ATP7A: variants seen among roughly 807,000 people sequenced by gnomAD.
The protein encoded by ATP7A is copper-transporting ATPase 1.
Under a neutral mutation model 83.5 loss-of-function variants are expected in ATP7A, and 7 were observed. The ratio of observed to expected loss-of-function variants is 0.08; its 90% CI spans 0.05 to 0.16. The LOEUF (loss-of-function observed/expected upper bound fraction) is 0.16. Among genes scored for constraint, ATP7A ranks in the 10% least tolerant of loss-of-function variants. ATP7A has a pLI of 1.00. For missense variants in ATP7A, 940 were observed against 1,120.8 expected, an observed-to-expected ratio of 0.84 and a Z score of 2.30; for synonymous variants, 354 against 395.2, an observed-to-expected ratio of 0.90 and a Z score of 1.24.
intron 9 of ATP7A, among the ~76,000 whole-genome samples, chrX:78,011,965 A>G (rs1238940084): frequency 2.0e-5 from 2 of 101,555 alleles, no homozygotes; most frequent in Non-Finnish European, 4.0e-5. Flanking sequence ...TTTTTTAGAG[A>G]TGGGGTTTTG....
chrX:77,984,482 C>A (rs1557231179), intron 2 of ATP7A, among the ~76,000 whole-genome samples: 1 of 110,442 alleles, frequency 9.1e-6, no homozygotes, highest in African/African-American at 3.3e-5. Context: ...ATTCTCCTGC[C>A]TCAGCCTCCC....
chrX:77,914,256 ATAT>A (rs201155839), intron 1 of ATP7A, among the ~76,000 whole-genome samples: 1,176 of 110,207 alleles, frequency 0.011, 21 homozygotes, highest in African/African-American at 0.036. Context: ...TTTTTAAATA[ATAT>A]TATTTTTAAG....
At chrX:77,985,980 A>G (rs2077634323) in intron 2 of ATP7A, among the ~76,000 whole-genome samples, 1 of 111,992 alleles carries the variant, frequency 8.9e-6, no homozygotes. Context: ...AAACACAAGG[A>G]CACAAAAGCC....
chrX:78,041,296 A>G (rs1448413437), intron 19 of ATP7A, among the ~76,000 whole-genome samples: 13 of 108,447 alleles, frequency 1.2e-4, no homozygotes, highest in Admixed American at 3.0e-4. Context: ...TTTTCTTGGG[A>G]CGGAGTTTCG....
intron 1 of ATP7A, chrX:77,968,814 GC>G (rs781831467): frequency 8.4e-7 from 1 of 1,196,535 alleles, no homozygotes; most frequent in East Asian, 3.0e-5. Flanking sequence ...GGTGGGAGGG[GC>G]AGAGGGACAA....
At position 77,985,085 on chromosome X, in the gene ATP7A, C is replaced by A. The variant is rs782660727; in HGVS notation, c.121-3157C>A. ...CCCAGGCTGGAGTGCAGTGGCACGA[C>A]TTTGGCTCACTGCAGCCTTGACCTT... On this transcript the variant is annotated intron_variant, in intron 2 of 22. Transcript: ENST00000341514. Among the ~76,000 whole-genome samples, 4 of 111,019 alleles carry A rather than the reference C, an allele frequency of 3.6e-5. No individual in the cohort carries two copies. The South Asian group carries it at 1.5e-3, about 42-fold the overall frequency.
intron 17 of ATP7A, among the ~76,000 whole-genome samples, chrX:78,036,618 C>T (rs1353307110): frequency 9.0e-6 from 1 of 111,703 alleles, no homozygotes; most frequent in Admixed American, 9.5e-5. Context: ...CGGTGACTCA[C>T]GCCTGTAATC....
Position 77,920,509 on chromosome X carries a change from G to T in ATP7A, c.-22+9674G>T, listed in dbSNP as rs187947787. Among the ~76,000 whole-genome samples the T allele has an allele frequency of 2.7e-5, 3 of 111,077 alleles. No individual in the cohort carries two copies. The Admixed American group carries it at 2.9e-4, about 11-fold the overall frequency. On this transcript the variant is annotated intron_variant, in intron 1 of 22. Coordinates refer to ENST00000341514, the MANE Select transcript of ATP7A (RefSeq NM_000052.7). ...TGGGATTACAGGCGTGAGCCACCGC[G>T]CCCGGCTGAGTACCCATTGTTTAGC...
intron 1 of ATP7A, among the ~76,000 whole-genome samples, chrX:77,966,384 A>G (rs1569549280): frequency 1.8e-5 from 2 of 112,598 alleles, no homozygotes; most frequent in South Asian, 3.6e-4. Flanking sequence ...CAAAAAACAC[A>G]AAAGAAAAAA....
rs200009243 is a variant in ATP7A at position 78,045,583 on chromosome X, T to C, written c.4226+11T>C. ...TCTCTTCCTTAAACTGTAAGTATGA[T>C]AGCTTGCTCACATTTGTATTTTGTA... On this transcript the variant is annotated intron_variant, in intron 22 of 22. Coordinates refer to ENST00000341514, the MANE Select transcript of ATP7A (RefSeq NM_000052.7). 6.8e-3 allele frequency: 7,933 copies of C among 1,163,917 alleles called. 68 individuals carry two copies. The highest frequency in any genetic ancestry group is 0.047 in the South Asian group (2,629 of 55,836).
chrX:78,027,511 A>G (rs2077953443), intron 14 of ATP7A, among the ~76,000 whole-genome samples: 1 of 111,822 alleles, frequency 8.9e-6, no homozygotes, highest in Non-Finnish European at 1.9e-5. Context: ...TAATATTAAA[A>G]CTACCATACT....
intron 4 of ATP7A, among the ~76,000 whole-genome samples, chrX:77,992,904 G>T (rs782701749): frequency 8.9e-6 from 1 of 112,751 alleles, no homozygotes; most frequent in African/African-American, 3.2e-5. Flanking sequence ...GTGAGCCACT[G>T]TACCTGGCCC....
At chrX:77,952,206 C>T (rs1177816486) in intron 1 of ATP7A, among the ~76,000 whole-genome samples, 2 of 111,964 alleles carry the variant, frequency 1.8e-5, no homozygotes, top group Non-Finnish European at 3.8e-5. Context: ...CTGTTGTGGG[C>T]AAATACCAAG....
intron 5 of ATP7A, among the ~76,000 whole-genome samples, chrX:78,001,224 G>A: frequency 9.0e-6 from 1 of 111,164 alleles, no homozygotes; most frequent in East Asian, 2.8e-4. Flanking sequence ...TACCAACAAA[G>A]CCCAAAATGT....
chrX:78,017,431 A>G (rs1477020725), intron 12 of ATP7A, among the ~76,000 whole-genome samples: 1 of 112,350 alleles, frequency 8.9e-6, no homozygotes, highest in Non-Finnish European at 1.9e-5. Flanking sequence ...TGTCTTGGCG[A>G]TTAACATTTG....
rs193019991 is a variant in ATP7A at position 77,931,220 on chromosome X, C to A, written c.-22+20385C>A. The stretch of plus-strand genomic sequence containing the variant: ...ATTAGGGAGTGGTGATGATTGTTAA[C>A]GAGCATGCTGCCTTCAAGCATCTGT... On this transcript the variant is annotated intron_variant, in intron 1 of 22. Coordinates refer to ENST00000341514, the MANE Select transcript of ATP7A (RefSeq NM_000052.7). Among the ~76,000 whole-genome samples, 329 of 107,987 alleles carry A rather than the reference C, an allele frequency of 3.0e-3. 2 individuals carry two copies. Among genetic ancestry groups the A allele is most frequent in the African/African-American group, 0.011 (313 of 29,615 alleles). The allele number at this position is 107,987 out of a possible 115,157, so 93.8% of individuals were successfully genotyped here.
At position 78,050,324 on chromosome X, in the gene ATP7A, C is replaced by T. The variant is rs990617638; in HGVS notation, c.*3754C>T. On this transcript the variant is annotated 3_prime_UTR_variant, in exon 23 of 23. Transcript: ENST00000341514. Reference sequence around the variant, plus strand: ...TTAAGATATTCAGTAGTTTGTTTTTCATAAGCATGTAATTGATCATATTTC... The same window carrying T: ...TTAAGATATTCAGTAGTTTGTTTTTTATAAGCATGTAATTGATCATATTTC... 1 of 112,545 alleles carries T rather than the reference C, an allele frequency of 8.9e-6. No individual in the cohort carries two copies. Among genetic ancestry groups the T allele is most frequent in the Non-Finnish European group, 1.9e-5 (1 of 53,283 alleles). 9.3% of individuals were successfully genotyped at this position (112,545 alleles called of 1,213,427 possible).
intron 4 of ATP7A, among the ~76,000 whole-genome samples, chrX:77,990,946 G>T (rs1478853457): frequency 8.9e-6 from 1 of 111,855 alleles, no homozygotes; most frequent in Non-Finnish European, 1.9e-5. Context: ...AATTGTTATG[G>T]TAGATTAATG....
intron 5 of ATP7A, among the ~76,000 whole-genome samples, chrX:77,999,661 T>C (rs1328088929): frequency 1.8e-5 from 2 of 111,499 alleles, no homozygotes; most frequent in African/African-American, 6.5e-5. Context: ...CCCAGCACTT[T>C]GGGAGGCCGA....
Sources: allele counts gnomAD v4.1 joint callset (sites outside exome capture counted in the v4.1 genomes callset), GRCh38; gene constraint gnomAD v4.1.1; transcripts MANE v1.5; gene names NCBI Gene and HGNC (gene_info 2026-07-23, HGNC 2026-07-21).